Variants in ASPHD1 observed in about 807,000 individuals in gnomAD.
ASPHD1 encodes the protein aspartate beta-hydroxylase domain-containing protein 1.
Under a neutral mutation model 28.3 loss-of-function variants are expected in ASPHD1, and 20 were observed. That is an observed-to-expected ratio of 0.71 (90% confidence interval 0.50 to 1.03). The LOEUF (loss-of-function observed/expected upper bound fraction) is 1.03. ASPHD1 is among the 50% of genes least tolerant of loss of function. ASPHD1 has a pLI of 0.00. For synonymous variants in ASPHD1, 240 were observed against 221.2 expected, an observed-to-expected ratio of 1.08 and a Z score of -0.75; for missense variants, 479 against 524.1, an observed-to-expected ratio of 0.91 and a Z score of 0.84.
Position 29,901,771 on chromosome 16 carries a change from G to A in ASPHD1, c.800G>A (p.Arg267Gln), listed in dbSNP as rs767612603. 6 of 1,552,582 alleles carry A rather than the reference G, an allele frequency of 3.9e-6. No individual in the cohort carries two copies. Among genetic ancestry groups the A allele is most frequent in the East Asian group, 4.6e-5 (2 of 43,634 alleles). Residue 267 changes from arginine to glutamine, a missense_variant, in exon 1 of 3, where the codon CGG (arginine) becomes CAG (glutamine). Transcript: ENST00000308748. This position sits in a 1 kb window ranked among gnomAD's most constrained non-coding sequence, Gnocchi z 5.1. ...AGRCQPSNCR[R>Q]CPGAYRALRG... The stretch of plus-strand genomic sequence containing the variant: ...CGGTGCCAACCCAGCAACTGCCGCC[G>A]GTGCCCGGGGGCCTATCGGGCACTG...
At chr16:29,905,629 GAAAAAAAAAAAA>G (rs770029376) in intron 2 of ASPHD1, among the ~76,000 whole-genome samples, 147 bp from the exon 3 acceptor site, 3 of 49,766 alleles carry the variant, frequency 6.0e-5, no homozygotes, top group Non-Finnish European at 1.2e-4. Context: ...TCCATCTCAG[GAAAAAAAAAAAA>G]AAAAAAAAAA....
downstream of ASPHD1, among the ~76,000 whole-genome samples, chr16:29,910,657 C>T (rs1226825370): frequency 6.6e-6 from 1 of 152,150 alleles, no homozygotes; most frequent in African/African-American, 2.4e-5. Context: ...CTATGCCTCA[C>T]CCCTTCTGAG....
chr16:29,912,569 T>C (rs1348712840), intron 3 of ASPHD1, among the ~76,000 whole-genome samples: 1 of 152,180 alleles, frequency 6.6e-6, no homozygotes, highest in Non-Finnish European at 1.5e-5. Context: ...GCCTCCTGAG[T>C]AGCTGGGATT....
Position 29,901,091 on chromosome 16 carries a change from A to C in ASPHD1, c.120A>C (p.Glu40Asp). The change falls in exon 1 of 3, where the codon GAA becomes GAC. Residue 40 changes from glutamate (E) to aspartate (D), a missense_variant. By Grantham distance (45) the Glu-to-Asp change is conservative. Transcript: ENST00000308748. This position sits in a 1 kb window ranked among gnomAD's most constrained non-coding sequence, Gnocchi z 5.1. ...CGGGGAGCCAGGGGGCAGCCATGGA[A>C]GGGACAGGTGGGGAGCTGGGGGGAC... is the stretch of plus-strand genomic sequence containing the variant. ...SPAGSQGAAM[E>D]GTGGELGGQG... 6.2e-7 allele frequency: 1 copy of C among 1,606,562 alleles called. No homozygotes were observed. Among genetic ancestry groups the C allele is most frequent in the Non-Finnish European group, 8.5e-7 (1 of 1,175,362 alleles).
chr16:29,901,418 G>A lies in ASPHD1; in HGVS notation c.447G>A (p.Arg149=). 1 of 1,593,378 alleles carries A rather than the reference G, an allele frequency of 6.3e-7. No homozygotes were observed. The highest frequency in any genetic ancestry group is 1.3e-5 in the African/African-American group (1 of 74,366). ...GGACGGAAGGCCTAGTGAGCCGGCG[G>A]CTTCGGGCCTACGCAAGGCGCTACT... ...GPRTEGLVSR[R]LRAYARRYSW... Residue 149 remains arginine (R), a synonymous_variant, in exon 1 of 3, where the codon CGG becomes CGA. Coordinates refer to ENST00000308748, the MANE Select transcript of ASPHD1 (RefSeq NM_181718.4). This position sits in a 1 kb window ranked among gnomAD's most constrained non-coding sequence, Gnocchi z 5.1.
downstream of ASPHD1, among the ~76,000 whole-genome samples, chr16:29,910,084 T>G (rs1597012662): frequency 3.1e-5 from 4 of 128,870 alleles, no homozygotes; most frequent in South Asian, 2.4e-4. Flanking sequence ...GGCAACAGAG[T>G]GAGACTCTGT....
rs1225829831 is a variant in ASPHD1, at chr16:29,904,866, C to T, written c.964C>T (p.Pro322Ser). Residue 322 changes from proline (P) to serine (S), a missense_variant, in exon 2 of 3, where the codon CCT becomes TCT. Coordinates refer to ENST00000308748, the MANE Select transcript of ASPHD1 (RefSeq NM_181718.4). ...VRCHLGLKIPPGCELVVGGEP... is the reference protein window; with the variant it reads ...VRCHLGLKIPSGCELVVGGEP... Reference sequence around the variant, plus strand: ...TCTTCTTACAGGCCTAAAGATCCCTCCTGGCTGTGAGCTGGTGGTCGGCGG... The same window carrying T: ...TCTTCTTACAGGCCTAAAGATCCCTTCTGGCTGTGAGCTGGTGGTCGGCGG... The T allele has an allele frequency of 1.9e-6, 3 of 1,612,382 alleles. No individual in the cohort carries two copies. Among genetic ancestry groups the T allele is most frequent in the Non-Finnish European group, 2.5e-6 (3 of 1,179,446 alleles).
chr16:29,903,723 T>G (rs1320981694), intron 1 of ASPHD1, among the ~76,000 whole-genome samples: 1 of 152,078 alleles, frequency 6.6e-6, no homozygotes, highest in African/African-American at 2.4e-5. Context: ...CTTTTCAACC[T>G]AGAATCCCCT....
In ASPHD1 at chr16:29,900,724, ACT is replaced by A; in HGVS notation, c.-247_-246del. On this transcript the variant is annotated 5_prime_UTR_variant, in exon 1 of 3. Coordinates refer to ENST00000308748, the MANE Select transcript of ASPHD1 (RefSeq NM_181718.4). Reference sequence around the variant, plus strand: ...GGAAGACAGGCTGCGGGTTCCCGGGACTGCAGGTCCAGGCAGGGTAGGAACCG... The same window carrying A: ...GGAAGACAGGCTGCGGGTTCCCGGGAGCAGGTCCAGGCAGGGTAGGAACCG... 1.8e-6 allele frequency: 1 copy of A among 545,202 alleles called. No homozygotes were observed. Among genetic ancestry groups the A allele is most frequent in the Non-Finnish European group, 3.2e-6 (1 of 307,786 alleles). 33.8% of individuals were successfully genotyped at this position (545,202 alleles called of 1,614,324 possible). A position where few individuals can be genotyped will look rare whatever the true frequency, so the allele number is the denominator to read the frequency against.
At chr16:29,902,420 C>T (rs1227197443) in intron 1 of ASPHD1, among the ~76,000 whole-genome samples, 1 of 152,202 alleles carries the variant, frequency 6.6e-6, no homozygotes, top group Non-Finnish European at 1.5e-5. Context: ...CAAGAAAGTA[C>T]TCATAAACAC....
chr16:29,917,504 G>A (rs1481771522), intron 3 of ASPHD1, among the ~76,000 whole-genome samples: 3 of 151,902 alleles, frequency 2.0e-5, no homozygotes, highest in African/African-American at 4.8e-5. Context: ...AAAATTAGAC[G>A]GGTGTGGTGG....
intron 3 of ASPHD1, among the ~76,000 whole-genome samples, chr16:29,917,704 G>A (rs1427008781): frequency 6.6e-6 from 1 of 152,080 alleles, no homozygotes; most frequent in Non-Finnish European, 1.5e-5. Flanking sequence ...GCTTGAACCC[G>A]GGAGGCAGAG....
chr16:29,915,355 G>C (rs2068790958), intron 3 of ASPHD1: 1 of 152,188 alleles, frequency 6.6e-6, no homozygotes. Context: ...GCCACACCTA[G>C]AAATCTCTGC....
downstream of ASPHD1, chr16:29,907,155 C>G (rs766481071): frequency 7.3e-7 from 1 of 1,372,830 alleles, no homozygotes; most frequent in Non-Finnish European, 1.0e-6. Context: ...GGTGCAGTCA[C>G]GCAGGGCCAT....
intron 3 of ASPHD1, chr16:29,912,232 C>T (rs1009219621): frequency 5.1e-5 from 32 of 626,736 alleles, no homozygotes; most frequent in Non-Finnish European, 7.0e-5. Context: ...CTTGGTCCCA[C>T]GGACACCTTG....
At chr16:29,914,435 CTT>C (rs765793348) in intron 3 of ASPHD1, 33 of 135,040 alleles carry the variant, frequency 2.4e-4, no homozygotes, top group Admixed American at 2.2e-4. Flanking sequence ...AAGTGCATTT[CTT>C]TTTTTTTTTT....
Position 29,901,229 on chromosome 16 carries a change from C to T in ASPHD1, c.258C>T (p.Ala86=), listed in dbSNP as rs1368868259. 1.2e-6 allele frequency: 2 copies of T among 1,613,786 alleles called. No individual in the cohort carries two copies. The highest frequency in any genetic ancestry group is 2.2e-5 in the South Asian group (2 of 91,084). The change falls in exon 1 of 3, where the codon GCC becomes GCT. Residue 86 remains alanine (A), a synonymous_variant. Coordinates refer to ENST00000308748, the MANE Select transcript of ASPHD1 (RefSeq NM_181718.4). This position sits in a 1 kb window ranked among gnomAD's most constrained non-coding sequence, Gnocchi z 5.1. The part of the protein sequence containing the change: ...ASSALTLLFG[A]LTSLFLWYCY... Reference sequence around the variant, plus strand: ...CGGCCCTCACCTTGCTCTTCGGGGCCCTCACTTCCCTGTTCCTCTGGTACT... The same window carrying T: ...CGGCCCTCACCTTGCTCTTCGGGGCTCTCACTTCCCTGTTCCTCTGGTACT...
rs1309365828 is a variant in ASPHD1 at position 29,912,100 on chromosome 16, C to T, written c.*62+6141C>T. 7 of 1,274,146 alleles carry T rather than the reference C, an allele frequency of 5.5e-6. No individual in the cohort carries two copies. In the Admixed American group the frequency reaches 6.2e-5, roughly 11 times the overall value. 78.9% of individuals were successfully genotyped at this position (1,274,146 alleles called of 1,614,324 possible). On this transcript the variant is annotated intron_variant and NMD_transcript_variant, in intron 3 of 3. Transcript: ENST00000414952. ...ACAGCACAACCAAAGGCCACGTACT[C>T]CCCCACTTAAAAGCCTTCAAAAGCT...
chr16:29,901,659 G>A lies in ASPHD1; in HGVS notation c.688G>A (p.Asp230Asn), dbSNP rs1323782753. ...GCGGGACTTCGGGGCTGTGAGCTGG[G>A]ACTTCTCAGGGACTACCCCTCCGCC... ...ILRDFGAVSW[D>N]FSGTTPPPRG... The change falls in exon 1 of 3, where the codon GAC becomes AAC. Residue 230 changes from aspartate to asparagine, a missense_variant. By Grantham distance (23) the Asp-to-Asn change is conservative. Coordinates refer to ENST00000308748, the MANE Select transcript of ASPHD1 (RefSeq NM_181718.4). This position sits in a 1 kb window ranked among gnomAD's most constrained non-coding sequence, Gnocchi z 5.1. The A allele has an allele frequency of 1.3e-6, 2 of 1,581,896 alleles. No individual in the cohort carries two copies. The highest frequency in any genetic ancestry group is 2.7e-5 in the African/African-American group (2 of 73,872).
Sources: allele counts gnomAD v4.1 joint callset (sites outside exome capture counted in the v4.1 genomes callset), GRCh38; gene constraint gnomAD v4.1.1; non-coding constraint Gnocchi (gnomAD v3.1); transcripts MANE v1.5; gene names NCBI Gene and HGNC (gene_info 2026-07-23, HGNC 2026-07-21).